Variants in RPAP2 observed in about 807,000 individuals in gnomAD.
The protein encoded by RPAP2 is RNA polymerase II associated protein 2, also known as putative RNA polymerase II subunit B1 CTD phosphatase RPAP2.
Under a neutral mutation model 73.1 loss-of-function variants are expected in RPAP2, and 52 were observed. The observed-to-expected ratio is 0.71, with a 90% CI of 0.57 to 0.90. The LOEUF is 0.90. Among genes scored for constraint, RPAP2 ranks in the 40% least tolerant of loss-of-function variants. The pLI is 0.00. For synonymous variants in RPAP2, 225 were observed against 242.1 expected, an observed-to-expected ratio of 0.93 and a Z score of 0.65; for missense variants, 598 against 701.8, an observed-to-expected ratio of 0.85 and a Z score of 1.67.
intron 3 of RPAP2, among the ~76,000 whole-genome samples, chr1:92,302,081 G>A (rs1650893806): frequency 6.6e-6 from 1 of 152,174 alleles, no homozygotes. Context: ...AGGAGTTCGA[G>A]ACCAGCCTGG....
At position 92,400,046 on chromosome 1, in the gene RPAP2, T is replaced by C. The variant is rs1266671454; in HGVS notation, c.*13035T>C. ...TATCTTCCACAAGATCAGCCAGTTT[T>C]AGCAGAGCAGTTGCTAAAACCCAGG... On this transcript the variant is annotated 3_prime_UTR_variant, in exon 13 of 13. Coordinates refer to ENST00000610020, the MANE Select transcript of RPAP2 (RefSeq NM_024813.3). 1 of 152,214 alleles carries C rather than the reference T, an allele frequency of 6.6e-6. No homozygotes were observed. Among genetic ancestry groups the C allele is most frequent in the Non-Finnish European group, 1.5e-5 (1 of 68,044 alleles). The allele number at this position is 152,214 out of a possible 1,614,324, so 9.4% of individuals were successfully genotyped here.
At chr1:92,313,926 C>G (rs1651746045) in intron 6 of RPAP2, among the ~76,000 whole-genome samples, 1 of 152,200 alleles carries the variant, frequency 6.6e-6, no homozygotes, top group Admixed American at 6.5e-5. Flanking sequence ...CCAAACTTTG[C>G]TATCTTCTAC....
intron 11 of RPAP2, among the ~76,000 whole-genome samples, chr1:92,358,410 G>A (rs540413709): frequency 6.6e-5 from 10 of 151,870 alleles, no homozygotes; most frequent in East Asian, 3.9e-4. Context: ...TCCTCCTCAC[G>A]AAACTTTCCC....
chr1:92,341,730 C>T (rs2101278246), intron 10 of RPAP2, among the ~76,000 whole-genome samples: 1 of 152,320 alleles, frequency 6.6e-6, no homozygotes, highest in East Asian at 1.9e-4. Flanking sequence ...CTGCAACCTC[C>T]ACCTCCTGAG....
intron 6 of RPAP2, among the ~76,000 whole-genome samples, chr1:92,313,292 A>C (rs1221490948): frequency 6.6e-6 from 1 of 152,210 alleles, no homozygotes. Flanking sequence ...ATGTCTTAAG[A>C]CTTGAAAGTT....
intron 8 of RPAP2, among the ~76,000 whole-genome samples, chr1:92,329,256 G>C (rs935059796): frequency 3.9e-5 from 6 of 152,164 alleles, no homozygotes; most frequent in African/African-American, 1.4e-4. Context: ...ACCAGGGCCA[G>C]TAGAGAAAGA....
At chr1:92,322,208 G>A (rs1399440498) in intron 7 of RPAP2, among the ~76,000 whole-genome samples, 2 of 151,040 alleles carry the variant, frequency 1.3e-5, no homozygotes, top group African/African-American at 4.9e-5. Context: ...GGCCTCCCAA[G>A]GTGCTGGGAT....
intron 11 of RPAP2, among the ~76,000 whole-genome samples, chr1:92,352,665 T>A (rs1239113532): frequency 6.6e-6 from 1 of 152,228 alleles, no homozygotes; most frequent in Non-Finnish European, 1.5e-5. Flanking sequence ...ATTTTTATAT[T>A]TAACTGAGCT....
At chr1:92,321,822 A>G (rs765873719) in intron 7 of RPAP2, among the ~76,000 whole-genome samples, 15 of 152,014 alleles carry the variant, frequency 9.9e-5, no homozygotes, top group Non-Finnish European at 1.9e-4. Flanking sequence ...TTTTCTGTAC[A>G]ACAATCAACC....
chr1:92,348,002 C>T (rs1239087388), intron 11 of RPAP2, among the ~76,000 whole-genome samples: 4 of 152,086 alleles, frequency 2.6e-5, no homozygotes, highest in Non-Finnish European at 5.9e-5. Context: ...CTCTGCCTCC[C>T]GGGTTCAACC....
chr1:92,299,628 A>G (rs1284836310), intron 1 of RPAP2, among the ~76,000 whole-genome samples: 1 of 152,180 alleles, frequency 6.6e-6, no homozygotes, highest in Non-Finnish European at 1.5e-5. Context: ...AGGAGTGGTT[A>G]ATTAAGCAAC....
intron 6 of RPAP2, among the ~76,000 whole-genome samples, chr1:92,314,067 A>G (rs999585514): frequency 6.6e-6 from 1 of 152,238 alleles, no homozygotes; most frequent in Non-Finnish European, 1.5e-5. Context: ...AACTTTCTCT[A>G]TACCAGCAAT....
intron 11 of RPAP2, among the ~76,000 whole-genome samples, chr1:92,359,319 AT>A (rs1334795769): frequency 6.6e-6 from 1 of 152,024 alleles, no homozygotes; most frequent in African/African-American, 2.4e-5. Flanking sequence ...TTTATTTTAT[AT>A]TTATTTATTT....
chr1:92,389,669 A>C lies in RPAP2; in HGVS notation c.*2658A>C, dbSNP rs1057374498. ...TGAAAAAAGGTTAGACAAATGGCTA[A>C]CTAGAATAACCAGTGTAGAGAAGAG... On this transcript the variant is annotated 3_prime_UTR_variant, in exon 13 of 13. Coordinates refer to ENST00000610020, the MANE Select transcript of RPAP2 (RefSeq NM_024813.3). The C allele has an allele frequency of 6.6e-6, 1 of 152,238 alleles. No individual in the cohort carries two copies. Among genetic ancestry groups the C allele is most frequent in the African/African-American group, 2.4e-5 (1 of 41,454 alleles). 9.4% of individuals were successfully genotyped at this position (152,238 alleles called of 1,614,324 possible).
rs139174982 is a variant in RPAP2, at chr1:92,333,751, A to G, written c.1538+278A>G. Among the ~76,000 whole-genome samples, 1,354 of 152,324 alleles carry G rather than the reference A, an allele frequency of 8.9e-3. 10 individuals carry two copies. The highest frequency in any genetic ancestry group is 0.016 in the Non-Finnish European group (1,068 of 68,016). ...TACCTTACTCCCACCTAATCAGTGA[A>G]GTCAGGGAAAAAATATCAAAGCTAG... On this transcript the variant is annotated intron_variant, in intron 9 of 12. Transcript: ENST00000610020.
Position 92,381,587 on chromosome 1 carries a change from TC to T in RPAP2, c.1838+715del, listed in dbSNP as rs1281952217. Among the ~76,000 whole-genome samples, 14 of 70,314 alleles carry T rather than the reference TC, an allele frequency of 2.0e-4. No individual in the cohort carries two copies. The Admixed American group carries it at 2.2e-3, about 11-fold the overall frequency. The allele number at this position is 70,314 out of a possible 152,430, so 46.1% of individuals were successfully genotyped here. A position where few individuals can be genotyped will look rare whatever the true frequency, so the allele number is the denominator to read the frequency against. ...AAATGAGATTCTCTCAGGGAGATTT[TC>T]TTTTTTTTTTTTTTTTAACGTTTTT... On this transcript the variant is annotated intron_variant, in intron 12 of 12. Transcript: ENST00000610020.
chr1:92,384,020 T>C (rs1571154491), intron 12 of RPAP2, among the ~76,000 whole-genome samples: 1 of 151,580 alleles, frequency 6.6e-6, no homozygotes, highest in Non-Finnish European at 1.5e-5. Context: ...AATGCAGTGG[T>C]GCAATCTCAG....
At position 92,324,388 on chromosome 1, in the gene RPAP2, G is replaced by T; in HGVS notation, c.1455+13G>T. 6.3e-7 allele frequency: 1 copy of T among 1,581,498 alleles called. No individual in the cohort carries two copies. The highest frequency in any genetic ancestry group is 1.1e-5 in the South Asian group (1 of 87,988). On this transcript the variant is annotated intron_variant, in intron 8 of 12. Coordinates refer to ENST00000610020, the MANE Select transcript of RPAP2 (RefSeq NM_024813.3). Reference sequence around the variant, plus strand: ...AGACTCAGAAGAGGTATGTCTTACAGACATTGAGTTTTTCCAGATCGTTAA... The same window carrying T: ...AGACTCAGAAGAGGTATGTCTTACATACATTGAGTTTTTCCAGATCGTTAA...
chr1:92,325,746 C>A (rs967475529), intron 8 of RPAP2, among the ~76,000 whole-genome samples: 9 of 152,028 alleles, frequency 5.9e-5, no homozygotes, highest in Admixed American at 5.9e-4. Flanking sequence ...ATCAGCACCT[C>A]TTTCCAAAAT....
Sources: gnomAD v4.1 joint callset for allele counts (sites outside exome capture counted in the v4.1 genomes callset) on GRCh38, gnomAD v4.1.1 for gene constraint, MANE v1.5 for transcripts, NCBI Gene and HGNC (gene_info 2026-07-23, HGNC 2026-07-21) for gene names.